CERS3: variants seen among roughly 807,000 people sequenced by gnomAD.
CERS3 encodes LAG1 homolog, ceramide synthase 3.
Under a neutral mutation model 50.3 loss-of-function variants are expected in CERS3, and 33 were observed. That is an observed-to-expected ratio of 0.66 (90% confidence interval 0.50 to 0.88). CERS3 has a LOEUF of 0.88. Ranked by LOEUF, CERS3 falls within the 40% of genes least tolerant of loss-of-function variation. CERS3 has a pLI of 0.00. For missense variants in CERS3, 470 were observed against 460.3 expected (o/e 1.02, Z -0.19); for synonymous variants, 176 against 155.2 (o/e 1.13, Z -0.99).
intron 11 of CERS3, among the ~76,000 whole-genome samples, chr15:100,425,061 T>G (rs2032722176): frequency 6.6e-6 from 1 of 152,268 alleles, no homozygotes; most frequent in East Asian, 1.9e-4. Flanking sequence ...GAGTGAGGCT[T>G]GGGAGCCTCC....
At chr15:100,424,441 G>C (rs772338890) in intron 11 of CERS3, among the ~76,000 whole-genome samples, 1 of 152,224 alleles carries the variant, frequency 6.6e-6, no homozygotes, top group Non-Finnish European at 1.5e-5. Flanking sequence ...TTGTTGAATG[G>C]TTGTGACCAA....
At chr15:100,544,258 G>T (rs1464966581) in intron 1 of CERS3, 1 of 152,314 alleles carries the variant, frequency 6.6e-6, no homozygotes, top group East Asian at 1.9e-4. Flanking sequence ...GCTCCTAACG[G>T]ACTTTGCAAG....
chr15:100,498,396 G>C (rs960603207), intron 3 of CERS3, among the ~76,000 whole-genome samples: 1 of 152,108 alleles, frequency 6.6e-6, no homozygotes, highest in Non-Finnish European at 1.5e-5. Flanking sequence ...GAACTGAAGA[G>C]ATAAGGGAAA....
intron 11 of CERS3, among the ~76,000 whole-genome samples, chr15:100,414,247 G>A (rs1418817840): frequency 6.6e-6 from 1 of 152,080 alleles, no homozygotes; most frequent in African/African-American, 2.4e-5. Context: ...TCTTCAAGGA[G>A]AACTACAAAC....
chr15:100,475,949 T>C (rs2035114371), intron 8 of CERS3, 137 bp downstream of exon 8: 1 of 429,648 alleles, frequency 2.3e-6, no homozygotes, highest in African/African-American at 2.1e-5. Flanking sequence ...CAATATTTTA[T>C]GTACTATAAA....
intron 11 of CERS3, among the ~76,000 whole-genome samples, chr15:100,416,820 G>A (rs78963772): frequency 0.061 from 9,205 of 152,136 alleles, 396 homozygotes; most frequent in Non-Finnish European, 0.096. Context: ...ACAGAGCCAG[G>A]ATGAATCTGA....
At position 100,484,421 on chromosome 15, in the gene CERS3, A is replaced by C; in HGVS notation, c.407+129T>G. The C allele has an allele frequency of 1.1e-5, 7 of 652,794 alleles. 1 individual carries two copies. The South Asian group carries it at 1.3e-4, about 12-fold the overall frequency. 40.4% of individuals were successfully genotyped at this position (652,794 alleles called of 1,614,324 possible). ...GGCAAATATGTGAGGAGCCTAAAACACCACATCAGTGGGTGACAGAGCTGG... is the reference window on the plus strand; with the variant it reads ...GGCAAATATGTGAGGAGCCTAAAACCCCACATCAGTGGGTGACAGAGCTGG... On this transcript the variant is annotated intron_variant, in intron 5 of 11. Coordinates refer to ENST00000679737, the MANE Select transcript of CERS3 (RefSeq NM_001378789.1).
In CERS3 at chr15:100,480,037, A is replaced by G; in HGVS notation, c.417T>C (p.Phe139=). The change falls in exon 6 of 12, where the codon TTT becomes TTC. Residue 139 remains phenylalanine (F), a synonymous_variant. Transcript: ENST00000679737. ...CAACAGTGATCATTAAGTAAAATGCAAATCTCCAGCTGCCAAAAGAAAGAA... is the reference window on the plus strand; with the variant it reads ...CAACAGTGATCATTAAGTAAAATGCGAATCTCCAGCTGCCAAAAGAAAGAA... ...LKKFQEACWR[F]AFYLMITVAG... is the part of the protein sequence containing the mutation. 1 of 1,611,124 alleles carries G rather than the reference A, an allele frequency of 6.2e-7. No individual in the cohort carries two copies.
upstream of CERS3, among the ~76,000 whole-genome samples, chr15:100,530,087 G>A (rs2036901871): frequency 1.3e-5 from 2 of 152,154 alleles, no homozygotes; most frequent in Admixed American, 6.5e-5. Flanking sequence ...TTTCAGTAAT[G>A]GGCTCATGCA....
chr15:100,517,282 C>G (rs992317687), intron 2 of CERS3, among the ~76,000 whole-genome samples: 3 of 152,252 alleles, frequency 2.0e-5, no homozygotes, highest in Admixed American at 6.5e-5. Context: ...GGCATTGACA[C>G]TGCAGTCACT....
At chr15:100,482,584 C>A (rs527366618) in intron 5 of CERS3, among the ~76,000 whole-genome samples, 1 of 140,018 alleles carries the variant, frequency 7.1e-6, no homozygotes, top group South Asian at 2.5e-4. Context: ...AAGTGGTCAG[C>A]TAATGTGGAA....
At position 100,411,940 on chromosome 15, in the gene CERS3, A is replaced by G. The variant is rs529368832; in HGVS notation, c.1000-9075T>C. Among the ~76,000 whole-genome samples, 77 of 152,268 alleles carry G rather than the reference A, an allele frequency of 5.1e-4. 2 individuals are homozygous for G. The highest frequency in any genetic ancestry group is 6.8e-3 in the Middle Eastern group (2 of 294). On this transcript the variant is annotated intron_variant, in intron 11 of 11. Transcript: ENST00000679737. Reference sequence around the variant, plus strand: ...AAAGGTCTATTCAAGTCCTTTGCCCAATTTTGAACCCAGGTCATTTGGAGT... The same window carrying G: ...AAAGGTCTATTCAAGTCCTTTGCCCGATTTTGAACCCAGGTCATTTGGAGT...
chr15:100,520,855 T>A (rs2036620162), intron 2 of CERS3, among the ~76,000 whole-genome samples: 1 of 152,104 alleles, frequency 6.6e-6, no homozygotes. Context: ...GGATCAGGCA[T>A]CCAGCAGCAT....
Position 100,475,961 on chromosome 15 carries a change from C to T in CERS3, c.609+125G>A, listed in dbSNP as rs181897953. 4.6e-5 allele frequency: 24 copies of T among 516,568 alleles called. 1 individual carries two copies. The highest frequency in any genetic ancestry group is 3.4e-6 in the Non-Finnish European group (1 of 293,080). The allele number at this position is 516,568 out of a possible 1,614,324, so 32.0% of individuals were successfully genotyped here. On this transcript the variant is annotated intron_variant, in intron 8 of 11. Coordinates refer to ENST00000679737, the MANE Select transcript of CERS3 (RefSeq NM_001378789.1). Reference sequence around the variant, plus strand: ...TAGCAATATTTTATGTACTATAAAGCACACAAAAGCAATGAACTGGACCCA... The same window carrying T: ...TAGCAATATTTTATGTACTATAAAGTACACAAAAGCAATGAACTGGACCCA...
At chr15:100,440,011 T>A (rs149668098) in intron 11 of CERS3, among the ~76,000 whole-genome samples, 250 of 152,246 alleles carry the variant, frequency 1.6e-3, no homozygotes, top group Non-Finnish European at 3.2e-3. Context: ...GTATCTTCTG[T>A]TTTCCAAGCT....
chr15:100,405,159 CA>C (rs1317468185), intron 11 of CERS3, among the ~76,000 whole-genome samples: 1 of 148,044 alleles, frequency 6.8e-6, no homozygotes, highest in Non-Finnish European at 1.5e-5. Flanking sequence ...GGATAAGCTG[CA>C]AACTGGGAGA....
intron 5 of CERS3, among the ~76,000 whole-genome samples, chr15:100,483,787 A>ATTATTATTATTATTTTTTT (rs760594142): frequency 5.0e-5 from 5 of 100,026 alleles, no homozygotes; most frequent in African/African-American, 1.1e-4. Flanking sequence ...TATTATTATT[A>ATTATTATTATTATTTTTTT]TTTTTTTTTT....
intron 11 of CERS3, among the ~76,000 whole-genome samples, chr15:100,454,249 G>T (rs2034280282): frequency 3.9e-5 from 6 of 152,070 alleles, no homozygotes; most frequent in Admixed American, 3.3e-4. Flanking sequence ...AATTAGTGAA[G>T]TGTGGTGGCA....
chr15:100,449,200 G>A (rs562032636), intron 11 of CERS3, among the ~76,000 whole-genome samples: 3 of 152,264 alleles, frequency 2.0e-5, no homozygotes, highest in South Asian at 4.1e-4. Flanking sequence ...AGGTTGTGCC[G>A]ACCTAACCTG....
Sources: gnomAD v4.1 joint callset for allele counts (sites outside exome capture counted in the v4.1 genomes callset) on GRCh38, gnomAD v4.1.1 for gene constraint, MANE v1.5 for transcripts, NCBI Gene and HGNC (gene_info 2026-07-23, HGNC 2026-07-21) for gene names.